MTFR1: variants seen among roughly 807,000 people sequenced by gnomAD.
MTFR1 encodes chondrocyte protein with a poly-proline region.
In MTFR1, 28 loss-of-function variants were observed where a neutral mutation model predicts 38.8. The ratio of observed to expected loss-of-function variants is 0.72; its 90% CI spans 0.53 to 0.99. The LOEUF is 0.99. Among genes scored for constraint, MTFR1 ranks in the 50% least tolerant of loss-of-function variants. The probability of loss-of-function intolerance (pLI) is 0.00; values close to 1 mark genes in which losing one functional copy is unlikely to be tolerated. For synonymous variants in MTFR1, 145 were observed against 137.0 expected (o/e 1.06, Z -0.41); for missense variants, 358 against 395.5 (o/e 0.91, Z 0.81).
chr8:65,709,136 C>T lies in MTFR1; in HGVS notation c.*92C>T, dbSNP rs1805870752. 1 of 1,086,610 alleles carries T rather than the reference C, an allele frequency of 9.2e-7. No individual in the cohort carries two copies. The highest frequency in any genetic ancestry group is 1.8e-5 in the Admixed American group (1 of 56,916). The allele number at this position is 1,086,610 out of a possible 1,614,324, so 67.3% of individuals were successfully genotyped here. A position where few individuals can be genotyped will look rare whatever the true frequency, so the allele number is the denominator to read the frequency against. ...GAAATCGACACTGTTTAGTAAATAC[C>T]TCTTTAGTATTCAGTGGTCTTCTTT... On this transcript the variant is annotated 3_prime_UTR_variant, in exon 8 of 8. Coordinates refer to ENST00000262146, the MANE Select transcript of MTFR1 (RefSeq NM_014637.4).
At chr8:65,774,195 T>C (rs1488759804), downstream of MTFR1, among the ~76,000 whole-genome samples, 3 of 152,238 alleles carry the variant, frequency 2.0e-5, no homozygotes, top group African/African-American at 4.8e-5. Flanking sequence ...TATTGAATCA[T>C]CCTTGCTTCC....
downstream of MTFR1, among the ~76,000 whole-genome samples, chr8:65,711,100 CT>C (rs1805932605): frequency 6.6e-6 from 1 of 152,024 alleles, no homozygotes; most frequent in Admixed American, 6.6e-5. Context: ...TTTATCTTTA[CT>C]TTTGCATTAT....
intron 2 of MTFR1, among the ~76,000 whole-genome samples, chr8:65,681,058 G>A (rs866825220): frequency 1.3e-5 from 2 of 151,662 alleles, no homozygotes; most frequent in Non-Finnish European, 2.9e-5. Flanking sequence ...GACTACAGGC[G>A]CCCGCCACCG....
At chr8:65,692,530 G>A (rs1448135187) in intron 3 of MTFR1, among the ~76,000 whole-genome samples, 2 of 152,088 alleles carry the variant, frequency 1.3e-5, no homozygotes, top group African/African-American at 2.4e-5. Context: ...AGTAGAGATG[G>A]GGTTTCACCA....
chr8:65,657,844 C>T (rs905312561), intron 1 of MTFR1, among the ~76,000 whole-genome samples: 2 of 152,044 alleles, frequency 1.3e-5, no homozygotes, highest in African/African-American at 4.8e-5. Context: ...TGTTGCAATA[C>T]ATATAATGTG....
intron 3 of MTFR1, among the ~76,000 whole-genome samples, chr8:65,688,498 GA>G (rs1317653033): frequency 1.3e-5 from 2 of 148,178 alleles, no homozygotes; most frequent in African/African-American, 5.0e-5. Flanking sequence ...GCCCAGGCTG[GA>G]GTGCAGTGGC....
chr8:65,745,537 C>G, intron 3 of MTFR1: 1 of 853,032 alleles, frequency 1.2e-6, no homozygotes. Flanking sequence ...GGAGATATTC[C>G]ATAGAGAAGT....
At chr8:65,667,769 G>C (rs1804430340) in intron 1 of MTFR1, among the ~76,000 whole-genome samples, 1 of 152,102 alleles carries the variant, frequency 6.6e-6, no homozygotes, top group South Asian at 2.1e-4. Context: ...ACCATATTGA[G>C]TCAAACTCTT....
intron 3 of MTFR1, among the ~76,000 whole-genome samples, chr8:65,741,695 GAAC>G (rs921921460): frequency 2.0e-5 from 3 of 152,160 alleles, no homozygotes; most frequent in Non-Finnish European, 2.9e-5. Context: ...CTGAAGAAGT[GAAC>G]AACGTGTCTG....
At chr8:65,723,546 T>A (rs1406603766) in intron 3 of MTFR1, 1 of 1,567,840 alleles carries the variant, frequency 6.4e-7, no homozygotes. Flanking sequence ...GTTACCAATC[T>A]GGATGTTGGC....
At chr8:65,664,792 T>G (rs530605511) in intron 1 of MTFR1, among the ~76,000 whole-genome samples, 423 of 151,790 alleles carry the variant, frequency 2.8e-3, no homozygotes, top group Non-Finnish European at 4.9e-3. Context: ...TTTGCTATGT[T>G]GGCCAGGCTA....
intron 2 of MTFR1, chr8:65,718,667 G>A (rs1165213498): frequency 2.0e-5 from 3 of 152,752 alleles, no homozygotes; most frequent in Non-Finnish European, 4.4e-5. Context: ...TAAAACTATA[G>A]CAAATGGGAG....
At position 65,709,531 on chromosome 8, in the gene MTFR1, A is replaced by G. The variant is rs1425161450; in HGVS notation, c.*487A>G. The G allele has an allele frequency of 6.5e-6, 1 of 153,438 alleles. No homozygotes were observed. Among genetic ancestry groups the G allele is most frequent in the South Asian group, 2.0e-4 (1 of 4,904 alleles). The allele number at this position is 153,438 out of a possible 1,614,324, so 9.5% of individuals were successfully genotyped here. On this transcript the variant is annotated 3_prime_UTR_variant, in exon 8 of 8. Transcript: ENST00000262146. ...TCAATGATGGAACAGCTGGTATAAC[A>G]TAAGTTGTTGGCATGAAATATTTGA...
intron 1 of MTFR1, among the ~76,000 whole-genome samples, chr8:65,650,210 CTTTTTTT>C (rs768949769): frequency 7.0e-5 from 8 of 114,632 alleles, no homozygotes; most frequent in Non-Finnish European, 1.0e-4. Context: ...TCCTTATACT[CTTTTTTT>C]TTTTTTTTTT....
At chr8:65,659,915 T>C (rs896212670) in intron 1 of MTFR1, among the ~76,000 whole-genome samples, 2 of 152,232 alleles carry the variant, frequency 1.3e-5, no homozygotes, top group African/African-American at 2.4e-5. Context: ...GCCAGTGCTC[T>C]GTATTCTTTA....
downstream of MTFR1, among the ~76,000 whole-genome samples, chr8:65,773,824 GC>G (rs202145445): frequency 0.023 from 3,461 of 152,038 alleles, 65 homozygotes; most frequent in Middle Eastern, 0.095. Context: ...GTCCCATTAT[GC>G]CCCCTATTTA....
chr8:65,763,288 C>T (rs767882000), intron 3 of MTFR1, among the ~76,000 whole-genome samples: 92 of 151,980 alleles, frequency 6.1e-4, no homozygotes, highest in Non-Finnish European at 6.9e-4. Context: ...AAAAAGGTTA[C>T]ATACGGTGGC....
At chr8:65,653,557 T>G (rs1489963989) in intron 1 of MTFR1, among the ~76,000 whole-genome samples, 1 of 151,992 alleles carries the variant, frequency 6.6e-6, no homozygotes, top group African/African-American at 2.4e-5. Flanking sequence ...TAATTTAAAT[T>G]AAAACATTAA....
chr8:65,727,188 G>A lies in MTFR1; in HGVS notation c.*48+7707G>A, dbSNP rs978306363. The stretch of plus-strand genomic sequence containing the variant: ...CACTAACCTTGTATAAAGTTGCCAA[G>A]TAATGGTTAGTTTTAATAAGGAAAG... On this transcript the variant is annotated intron_variant, in intron 3 of 3. Coordinates refer to the MTFR1 transcript ENST00000521247. The A allele has an allele frequency of 3.1e-6, 5 of 1,603,298 alleles. No individual in the cohort carries two copies. The Admixed American group carries it at 6.7e-5, about 21-fold the overall frequency.
Sources: allele counts gnomAD v4.1 joint callset (sites outside exome capture counted in the v4.1 genomes callset), GRCh38; gene constraint gnomAD v4.1.1; transcripts MANE v1.5; gene names NCBI Gene and HGNC (gene_info 2026-07-23, HGNC 2026-07-21).